Variants in CCBE1 observed in about 807,000 individuals in gnomAD.
The protein encoded by CCBE1 is collagen and calcium-binding EGF domain-containing protein 1.
In CCBE1, 37 loss-of-function variants were observed where a neutral mutation model predicts 50.0. That is an observed-to-expected ratio of 0.74 (90% CI 0.57 to 0.97). The LOEUF is 0.97. Among genes scored for constraint, CCBE1 ranks in the 50% least tolerant of loss-of-function variants. The pLI, the probability that CCBE1 is intolerant of heterozygous loss-of-function variation, is 0.00. For missense variants in CCBE1, 538 were observed against 523.8 expected (o/e 1.03, Z -0.26); for synonymous variants, 234 against 203.7 (o/e 1.15, Z -1.27).
chr18:59,603,218 C>T (rs1166354494), intron 2 of CCBE1, among the ~76,000 whole-genome samples: 1 of 152,194 alleles, frequency 6.6e-6, no homozygotes, highest in African/African-American at 2.4e-5. Context: ...CTGTGACTTC[C>T]ACCGCCTCAA....
chr18:59,472,674 G>T lies in CCBE1; in HGVS notation c.266-3067C>A, dbSNP rs1411938612. ...GCCTCCATGAATGTGCATTCACCAT[G>T]AACCTAGGGATGCCCATCACCTCCC... On this transcript the variant is annotated intron_variant, in intron 3 of 10. Transcript: ENST00000439986. 4.6e-5 allele frequency among the ~76,000 whole-genome samples: 7 copies of T among 152,302 alleles called. No homozygotes were observed. The South Asian group carries it at 8.3e-4, about 18-fold the overall frequency.
intron 9 of CCBE1, 45 bp downstream of exon 9, chr18:59,439,498 A>G: frequency 6.2e-7 from 1 of 1,612,452 alleles, no homozygotes; most frequent in East Asian, 2.2e-5. Context: ...AAAAAAATCG[A>G]AAGTGAGAGA....
chr18:59,546,606 A>C (rs1324709253), intron 2 of CCBE1, among the ~76,000 whole-genome samples: 1 of 152,266 alleles, frequency 6.6e-6, no homozygotes, highest in Non-Finnish European at 1.5e-5. Flanking sequence ...TAGATAAAAG[A>C]AACAAAATCC....
intron 2 of CCBE1, among the ~76,000 whole-genome samples, chr18:59,571,349 CCAT>C (rs1263518454): frequency 6.6e-6 from 1 of 151,908 alleles, no homozygotes; most frequent in African/African-American, 2.4e-5. Context: ...AAGCTGGAAA[CCAT>C]CATTCTCAGC....
At chr18:59,453,649 C>T (rs763146040) in intron 6 of CCBE1, among the ~76,000 whole-genome samples, 3 of 152,130 alleles carry the variant, frequency 2.0e-5, no homozygotes, top group Admixed American at 1.3e-4. Context: ...GAAAGAGATA[C>T]CATCTCAGGC....
intron 7 of CCBE1, among the ~76,000 whole-genome samples, chr18:59,443,290 A>G (rs1396046425): frequency 6.6e-6 from 1 of 152,152 alleles, no homozygotes; most frequent in Non-Finnish European, 1.5e-5. Context: ...ACTCTAGCGG[A>G]CACCTTGCTG....
Position 59,438,018 on chromosome 18 carries a change from C to T in CCBE1, c.987+93G>A, listed in dbSNP as rs78316395. 4.8e-3 allele frequency: 5,982 copies of T among 1,241,248 alleles called. 152 individuals carry two copies. In the East Asian group the frequency reaches 0.078, roughly 16 times the overall value. 76.9% of individuals were successfully genotyped at this position (1,241,248 alleles called of 1,614,324 possible). On this transcript the variant is annotated intron_variant, in intron 10 of 10. Coordinates refer to ENST00000439986, the MANE Select transcript of CCBE1 (RefSeq NM_133459.4). The stretch of plus-strand genomic sequence containing the variant: ...TGGGCTGAGTGGCATCAGGAAGGGG[C>T]GGGCTTTTGCTACTAGACCAACCTA...
intron 2 of CCBE1, among the ~76,000 whole-genome samples, chr18:59,651,414 G>C (rs528846847): frequency 2.4e-4 from 37 of 152,162 alleles, no homozygotes; most frequent in Admixed American, 2.6e-4. Flanking sequence ...GTTTTTAAAC[G>C]AGACTGCATG....
rs142834621 is a variant in CCBE1, at chr18:59,497,316, G to A, written c.213-17078C>T. Among the ~76,000 whole-genome samples the A allele has an allele frequency of 5.2e-3, 794 of 152,316 alleles. 9 individuals are homozygous for A. Among genetic ancestry groups the A allele is most frequent in the Middle Eastern group, 0.027 (8 of 294 alleles). On this transcript the variant is annotated intron_variant, in intron 2 of 10. Coordinates refer to ENST00000439986, the MANE Select transcript of CCBE1 (RefSeq NM_133459.4). Reference sequence around the variant, plus strand: ...AGATGCCGTGGGGGAAGTACAAAGAGTTATAAGGTAAGAAGAACTCATGGT... The same window carrying A: ...AGATGCCGTGGGGGAAGTACAAAGAATTATAAGGTAAGAAGAACTCATGGT...
chr18:59,656,311 T>C (rs1274191957), intron 2 of CCBE1, among the ~76,000 whole-genome samples: 1 of 152,206 alleles, frequency 6.6e-6, no homozygotes, highest in Non-Finnish European at 1.5e-5. Context: ...TTTTGTACTA[T>C]ACATAAATAG....
At chr18:59,505,185 T>C (rs1016425636) in intron 2 of CCBE1, among the ~76,000 whole-genome samples, 4 of 152,188 alleles carry the variant, frequency 2.6e-5, no homozygotes, top group African/African-American at 9.7e-5. Context: ...TGGAAAAGTA[T>C]AGAACTTTGG....
intron 2 of CCBE1, among the ~76,000 whole-genome samples, chr18:59,554,950 T>C (rs2052635415): frequency 6.6e-6 from 1 of 152,212 alleles, no homozygotes; most frequent in African/African-American, 2.4e-5. Context: ...CTGGAGAGAA[T>C]AAAGCAGCAG....
At chr18:59,669,306 C>T (rs1464494383) in intron 2 of CCBE1, among the ~76,000 whole-genome samples, 1 of 152,198 alleles carries the variant, frequency 6.6e-6, no homozygotes, top group Admixed American at 6.5e-5. Context: ...AACAAGGCTC[C>T]ATGCTAGCTA....
At chr18:59,593,189 T>C (rs1341711571) in intron 2 of CCBE1, among the ~76,000 whole-genome samples, 3 of 152,188 alleles carry the variant, frequency 2.0e-5, no homozygotes, top group Non-Finnish European at 4.4e-5. Flanking sequence ...CGTTTGGTAT[T>C]CTAGATCTGT....
intron 2 of CCBE1, among the ~76,000 whole-genome samples, chr18:59,581,291 A>G (rs1196796179): frequency 6.6e-6 from 1 of 152,018 alleles, no homozygotes; most frequent in East Asian, 1.9e-4. Context: ...AAATACAAAA[A>G]TTAGCTGGGT....
At chr18:59,648,004 C>T (rs374200337) in intron 2 of CCBE1, among the ~76,000 whole-genome samples, 6 of 152,168 alleles carry the variant, frequency 3.9e-5, no homozygotes, top group East Asian at 3.9e-4. Flanking sequence ...CATATGTGAA[C>T]AAATCCTTAC....
chr18:59,497,468 T>C (rs1040723618), intron 2 of CCBE1, among the ~76,000 whole-genome samples: 1 of 152,104 alleles, frequency 6.6e-6, no homozygotes, highest in African/African-American at 2.4e-5. Context: ...AAAATTACCA[T>C]AGAATAGAGC....
In CCBE1 at chr18:59,476,155, C is replaced by T. The variant is rs557350043; in HGVS notation, c.265+4031G>A. Among the ~76,000 whole-genome samples, 6 of 152,130 alleles carry T rather than the reference C, an allele frequency of 3.9e-5. No individual in the cohort carries two copies. In the South Asian group the frequency reaches 1.0e-3, roughly 26 times the overall value. ...TCTCGGTGATCCTGGGTTCTTTATG[C>T]CTCAGCTCCTACAAAATAAAGATAA... On this transcript the variant is annotated intron_variant, in intron 3 of 10. Coordinates refer to ENST00000439986, the MANE Select transcript of CCBE1 (RefSeq NM_133459.4).
rs561567583 is a variant in CCBE1 at position 59,510,483 on chromosome 18, G to A, written c.213-30245C>T. Among the ~76,000 whole-genome samples the A allele has an allele frequency of 5.9e-5, 9 of 152,044 alleles. No homozygotes were observed. In the East Asian group the frequency reaches 1.2e-3, roughly 20 times the overall value. ...GTCACCCAGACTGGAGGGCAATGGCGTGATCTCAGCTCACTGCAACCTCTG... is the reference window on the plus strand; with the variant it reads ...GTCACCCAGACTGGAGGGCAATGGCATGATCTCAGCTCACTGCAACCTCTG... On this transcript the variant is annotated intron_variant, in intron 2 of 10. Transcript: ENST00000439986.
Sources: allele counts gnomAD v4.1 joint callset (sites outside exome capture counted in the v4.1 genomes callset), GRCh38; gene constraint gnomAD v4.1.1; transcripts MANE v1.5; gene names NCBI Gene and HGNC (gene_info 2026-07-23, HGNC 2026-07-21).